CLCA4: variants seen among roughly 807,000 people sequenced by gnomAD.
CLCA4 encodes calcium-activated chloride channel regulator 4.
A neutral mutation model predicts 78.9 loss-of-function variants in CLCA4; 69 were observed. The ratio of observed to expected loss-of-function variants is 0.87; its 90% CI spans 0.72 to 1.07. CLCA4 has a LOEUF of 1.07. Ranked by LOEUF, CLCA4 falls within the 50% of genes least tolerant of loss-of-function variation. The pLI is 0.00. For missense variants in CLCA4, 1,133 were observed against 1,095.8 expected (o/e 1.03, Z -0.48); for synonymous variants, 362 against 375.8 (o/e 0.96, Z 0.42).
intron 3 of CLCA4, 46 bp downstream of exon 3, chr1:86,560,404 C>T (rs1053291468): frequency 1.9e-6 from 3 of 1,596,952 alleles, no homozygotes; most frequent in South Asian, 1.1e-5. Flanking sequence ...TTGCAGCATA[C>T]AACTTTTTAT....
chr1:86,552,658 G>T, intron 1 of CLCA4: 4 of 832,440 alleles, frequency 4.8e-6, no homozygotes, highest in Admixed American at 1.9e-5. Context: ...GGTCCAGCTC[G>T]CCCAGATCGG....
At chr1:86,548,897 A>G (rs1402300146) in intron 1 of CLCA4, among the ~76,000 whole-genome samples, 2 of 152,258 alleles carry the variant, frequency 1.3e-5, no homozygotes, top group East Asian at 3.9e-4. Flanking sequence ...GACAGAAGAC[A>G]AGGCACAGGG....
intron 1 of CLCA4, among the ~76,000 whole-genome samples, chr1:86,554,561 G>A (rs12028615): frequency 0.066 from 9,972 of 152,154 alleles, 370 homozygotes; most frequent in Middle Eastern, 0.11. Context: ...CACCATGCCC[G>A]GCCCTGTACC....
At chr1:86,568,747 C>T (rs1383676806) in intron 7 of CLCA4, among the ~76,000 whole-genome samples, 3 of 151,958 alleles carry the variant, frequency 2.0e-5, no homozygotes, top group African/African-American at 7.2e-5. Context: ...ACTTAAAATG[C>T]TTCCTTTTCT....
At chr1:86,548,607 G>C (rs1011316298) in intron 1 of CLCA4, among the ~76,000 whole-genome samples, 2 of 149,694 alleles carry the variant, frequency 1.3e-5, no homozygotes, top group Non-Finnish European at 3.0e-5. Context: ...GCTTGAACCC[G>C]GGAGGCAGAG....
intron 1 of CLCA4, among the ~76,000 whole-genome samples, chr1:86,553,790 G>C (rs1649742621): frequency 6.6e-6 from 1 of 152,078 alleles, no homozygotes. Context: ...ACAAAAATTA[G>C]CTGGGCCCAG....
intron 1 of CLCA4, among the ~76,000 whole-genome samples, chr1:86,554,638 T>C (rs1216252125): frequency 6.6e-6 from 1 of 152,214 alleles, no homozygotes; most frequent in Non-Finnish European, 1.5e-5. Context: ...CTATTGTGAA[T>C]AGTGCTGCTA....
At position 86,580,405 on chromosome 1, in the gene CLCA4, A is replaced by T. The variant is rs1650683849; in HGVS notation, c.*60A>T. The T allele has an allele frequency of 7.9e-7, 1 of 1,268,730 alleles. No individual in the cohort carries two copies. The highest frequency in any genetic ancestry group is 1.5e-5 in the African/African-American group (1 of 67,042). The allele number at this position is 1,268,730 out of a possible 1,614,324, so 78.6% of individuals were successfully genotyped here. A position where few individuals can be genotyped will look rare whatever the true frequency, so the allele number is the denominator to read the frequency against. On this transcript the variant is annotated 3_prime_UTR_variant, in exon 14 of 14. Coordinates refer to ENST00000370563, the MANE Select transcript of CLCA4 (RefSeq NM_012128.4). ...AGAAGAGAGTTTTAAAAAACAAAAC[A>T]ATGTAAGTAAAGGATATTTCTGAAT...
intron 6 of CLCA4, among the ~76,000 whole-genome samples, chr1:86,566,523 A>T (rs1295706470): frequency 2.0e-5 from 3 of 152,112 alleles, no homozygotes; most frequent in African/African-American, 4.8e-5. Flanking sequence ...GAAGGATGGC[A>T]CATTTAAGGC....
At chr1:86,554,102 G>A (rs1411161408) in intron 1 of CLCA4, among the ~76,000 whole-genome samples, 1 of 152,052 alleles carries the variant, frequency 6.6e-6, no homozygotes, top group Admixed American at 6.6e-5. Flanking sequence ...ATTAAGCCTA[G>A]TACCCAATAT....
chr1:86,565,223 T>C, intron 4 of CLCA4, 51 bp from the exon 5 acceptor site: 1 of 1,306,784 alleles, frequency 7.7e-7, no homozygotes, highest in Non-Finnish European at 1.1e-6. Flanking sequence ...AAGATTTCTG[T>C]AAGTGCTAAT....
chr1:86,571,150 C>T lies in CLCA4; in HGVS notation c.1256C>T (p.Ala419Val). 6.2e-7 allele frequency: 1 copy of T among 1,612,830 alleles called. No individual in the cohort carries two copies. The highest frequency in any genetic ancestry group is 1.1e-5 in the South Asian group (1 of 91,030). ...LLLTDGEDNT[A>V]SSCIDEVKQS... ...CTGACTGATGGGGAGGATAACACTGCAAGTTCTTGTATTGATGAAGTGAAA... is the reference window on the plus strand; with the variant it reads ...CTGACTGATGGGGAGGATAACACTGTAAGTTCTTGTATTGATGAAGTGAAA... Residue 419 changes from alanine to valine, a missense_variant, in exon 8 of 14, where the codon GCA becomes GTA. By Grantham distance (64) the Ala-to-Val change is moderately conservative. Transcript: ENST00000370563.
chr1:86,571,972 G>A (rs1460454249), intron 8 of CLCA4, among the ~76,000 whole-genome samples: 1 of 151,928 alleles, frequency 6.6e-6, no homozygotes, highest in Non-Finnish European at 1.5e-5. Flanking sequence ...TTAATGCTTA[G>A]TTATACAAAA....
intron 8 of CLCA4, chr1:86,571,487 T>C (rs546686108): frequency 8.6e-5 from 33 of 381,584 alleles, no homozygotes; most frequent in African/African-American, 5.7e-4. Context: ...TATAGAAAAA[T>C]AAAGTTCTAT....
chr1:86,570,115 C>T (rs1650306813), intron 7 of CLCA4, among the ~76,000 whole-genome samples: 2 of 152,102 alleles, frequency 1.3e-5, no homozygotes, highest in African/African-American at 4.8e-5. Flanking sequence ...TCAAAACATG[C>T]AAAAATTGTA....
intron 12 of CLCA4, among the ~76,000 whole-genome samples, chr1:86,578,509 T>A (rs1396744785): frequency 6.6e-6 from 1 of 152,086 alleles, no homozygotes; most frequent in South Asian, 2.1e-4. Flanking sequence ...TTTGTGTCCA[T>A]GAATTCTCAT....
intron 8 of CLCA4, 64 bp downstream of exon 8, chr1:86,571,318 T>G: frequency 6.8e-7 from 1 of 1,461,638 alleles, no homozygotes; most frequent in South Asian, 1.3e-5. Flanking sequence ...GGCTGACAGT[T>G]CAACAACGTC....
At chr1:86,573,399 C>T (rs1650413121) in intron 9 of CLCA4, among the ~76,000 whole-genome samples, 1 of 151,956 alleles carries the variant, frequency 6.6e-6, no homozygotes, top group African/African-American at 2.4e-5. Flanking sequence ...TAGCCAGTTT[C>T]TCTCAAAATA....
chr1:86,568,365 T>C (rs953052172), intron 7 of CLCA4, among the ~76,000 whole-genome samples: 2 of 148,640 alleles, frequency 1.3e-5, no homozygotes, highest in African/African-American at 4.9e-5. Context: ...ATATACTATA[T>C]ATACTAATTA....
Sources: allele counts gnomAD v4.1 joint callset (sites outside exome capture counted in the v4.1 genomes callset), GRCh38; gene constraint gnomAD v4.1.1; transcripts MANE v1.5; gene names NCBI Gene and HGNC (gene_info 2026-07-23, HGNC 2026-07-21).